RSRP1: variants seen among roughly 807,000 people sequenced by gnomAD.
RSRP1 encodes the protein arginine/serine-rich protein 1.
In RSRP1, 37 loss-of-function variants were observed where a neutral mutation model predicts 33.0. The observed-to-expected ratio is 1.12, with a 90% CI of 0.86 to 1.48. The LOEUF is 1.48. RSRP1 is among the 40% of genes most tolerant of loss of function. The probability of loss-of-function intolerance (pLI) is 0.00; values close to 1 mark genes in which losing one functional copy is unlikely to be tolerated. For missense variants in RSRP1, 402 were observed against 385.3 expected (o/e 1.04, Z -0.36); for synonymous variants, 167 against 158.7 (o/e 1.05, Z -0.40).
intron 1 of RSRP1, among the ~76,000 whole-genome samples, chr1:25,263,129 G>A (rs1398667552): frequency 6.6e-6 from 1 of 152,102 alleles, no homozygotes; most frequent in Non-Finnish European, 1.5e-5. Flanking sequence ...TGTGGGTATG[G>A]GGAATACAAC....
chr1:25,307,371 T>C lies in RSRP1; in HGVS notation c.-67+30607A>G, dbSNP rs1291964955. ...GACACACCAGAGCCCTAGCCATTACTTCCTGGATGTTGTGTGAATATTTTC... is the reference window on the plus strand; with the variant it reads ...GACACACCAGAGCCCTAGCCATTACCTCCTGGATGTTGTGTGAATATTTTC... On this transcript the variant is annotated intron_variant, in intron 1 of 1. Coordinates refer to the RSRP1 transcript ENST00000561867. Among the ~76,000 whole-genome samples, 2 of 131,648 alleles carry C rather than the reference T, an allele frequency of 1.5e-5. 1 individual carries two copies. The highest frequency in any genetic ancestry group is 3.6e-5 in the Non-Finnish European group (2 of 55,718). 86.4% of individuals were successfully genotyped at this position (131,648 alleles called of 152,430 possible).
chr1:25,252,733 C>A (rs1248108147), intron 1 of RSRP1, among the ~76,000 whole-genome samples: 1 of 152,136 alleles, frequency 6.6e-6, no homozygotes, highest in Admixed American at 6.5e-5. Context: ...GGGGGTTTCA[C>A]CATGTTGGCC....
intron 1 of RSRP1, among the ~76,000 whole-genome samples, chr1:25,273,757 T>TAA: frequency 7.7e-6 from 1 of 130,644 alleles, no homozygotes; most frequent in African/African-American, 2.6e-5. Context: ...AGGTTGTTGA[T>TAA]AATAGACAGG....
chr1:25,282,707 A>G lies in RSRP1; in HGVS notation c.-66-35678T>C, dbSNP rs1404580712. On this transcript the variant is annotated intron_variant, in intron 1 of 1. Transcript: ENST00000561867. ...TGGGAGACGGAGGTGGGTGGATTAC[A>G]TGAGGTCAGGAGTTCGAGACCAGCT... is the stretch of plus-strand genomic sequence containing the variant. Among the ~76,000 whole-genome samples the G allele has an allele frequency of 1.5e-5, 2 of 131,088 alleles. 1 individual carries two copies. Among genetic ancestry groups the G allele is most frequent in the African/African-American group, 5.2e-5 (2 of 38,536 alleles). 86.0% of individuals were successfully genotyped at this position (131,088 alleles called of 152,430 possible).
intron 1 of RSRP1, among the ~76,000 whole-genome samples, chr1:25,280,811 A>G (rs1641431199): frequency 7.7e-6 from 1 of 130,570 alleles, no homozygotes; most frequent in African/African-American, 2.6e-5. Flanking sequence ...AGGTCTTGCT[A>G]TGTTGCCTAG....
chr1:25,320,110 C>T (rs1644618769), intron 1 of RSRP1, among the ~76,000 whole-genome samples: 1 of 131,246 alleles, frequency 7.6e-6, no homozygotes, highest in African/African-American at 2.6e-5. Flanking sequence ...GTTGGTCATG[C>T]TGGTCTCGAA....
At chr1:25,288,448 A>G (rs1246216426) in intron 1 of RSRP1, among the ~76,000 whole-genome samples, 1 of 128,242 alleles carries the variant, frequency 7.8e-6, no homozygotes, top group Non-Finnish European at 1.8e-5. Flanking sequence ...CCAAAGTGCG[A>G]AGATTACAGG....
chr1:25,249,057 G>C (rs754299502), upstream of RSRP1, among the ~76,000 whole-genome samples: 1 of 152,172 alleles, frequency 6.6e-6, no homozygotes, highest in Non-Finnish European at 1.5e-5. Context: ...GCTGAGGCAG[G>C]AGAATTGCTT....
At chr1:25,249,974 C>T (rs1639725144), upstream of RSRP1, among the ~76,000 whole-genome samples, 1 of 152,116 alleles carries the variant, frequency 6.6e-6, no homozygotes, top group South Asian at 2.1e-4. Context: ...CACTTGGAGA[C>T]AAATTGTGGA....
intron 1 of RSRP1, among the ~76,000 whole-genome samples, chr1:25,302,554 T>A (rs2020138): frequency 7.7e-5 from 10 of 129,468 alleles, no homozygotes; most frequent in African/African-American, 2.4e-4. Context: ...CAGAGGCTAA[T>A]CCTAGGTGAG....
chr1:25,314,724 T>C lies in RSRP1; in HGVS notation c.-67+23254A>G, dbSNP rs1386771158. Among the ~76,000 whole-genome samples the C allele has an allele frequency of 1.5e-5, 2 of 132,010 alleles. 1 individual carries two copies. The highest frequency in any genetic ancestry group is 3.9e-4 in the East Asian group (2 of 5,116). 86.6% of individuals were successfully genotyped at this position (132,010 alleles called of 152,430 possible). On this transcript the variant is annotated intron_variant, in intron 1 of 1. Coordinates refer to the RSRP1 transcript ENST00000561867. ...TTTTGCCATGTTGGACAGGCTGATC[T>C]TGGACTCCTGGCCTCAACTTTGGCC...
chr1:25,242,800 A>G, intron 4 of RSRP1, 95 bp from the exon 5 acceptor site: 4 of 889,082 alleles, frequency 4.5e-6, no homozygotes, highest in Middle Eastern at 3.5e-4. Context: ...TATGAGCCTT[A>G]GAGATATTAT....
chr1:25,258,131 T>C (rs780756808), intron 1 of RSRP1, among the ~76,000 whole-genome samples: 2 of 152,216 alleles, frequency 1.3e-5, no homozygotes, highest in Non-Finnish European at 2.9e-5. Flanking sequence ...ACATATGCTT[T>C]GCTTAAACAA....
intron 1 of RSRP1, among the ~76,000 whole-genome samples, chr1:25,274,169 C>T (rs1571563131): frequency 7.6e-6 from 1 of 132,302 alleles, no homozygotes; most frequent in East Asian, 2.0e-4. Flanking sequence ...ATTGAACCCT[C>T]ACAATAACCC....
chr1:25,243,146 T>C (rs771742816), intron 4 of RSRP1, among the ~76,000 whole-genome samples: 3 of 152,058 alleles, frequency 2.0e-5, no homozygotes, highest in Non-Finnish European at 2.9e-5. Context: ...ACCTTAATTG[T>C]AGCTTGATTC....
chr1:25,302,306 T>A (rs563395909), intron 1 of RSRP1, among the ~76,000 whole-genome samples: 1 of 128,382 alleles, frequency 7.8e-6, no homozygotes, highest in East Asian at 2.0e-4. Flanking sequence ...CAAAACAAGT[T>A]CTCATGATGA....
chr1:25,266,580 C>A (rs598017), intron 1 of RSRP1: 1 of 128,408 alleles, frequency 7.8e-6, no homozygotes, highest in African/African-American at 2.9e-5. Context: ...AAACAAAAAA[C>A]CCCAAAGGGA....
intron 1 of RSRP1, among the ~76,000 whole-genome samples, chr1:25,288,943 C>T (rs1327358547): frequency 1.5e-5 from 2 of 133,842 alleles, no homozygotes; most frequent in African/African-American, 5.2e-5. Flanking sequence ...AGACTCCTTC[C>T]CCATGCCCTT....
intron 1 of RSRP1, among the ~76,000 whole-genome samples, chr1:25,310,856 T>C (rs183876008): frequency 8.2e-4 from 106 of 129,138 alleles, no homozygotes; most frequent in Non-Finnish European, 1.4e-3. Flanking sequence ...ACCTGTAATC[T>C]CAGCTACTCA....
Sources: gnomAD v4.1 joint callset for allele counts (sites outside exome capture counted in the v4.1 genomes callset) on GRCh38, gnomAD v4.1.1 for gene constraint, MANE v1.5 for transcripts, NCBI Gene and HGNC (gene_info 2026-07-23, HGNC 2026-07-21) for gene names.